Variants in ESRRG observed in about 807,000 individuals in gnomAD.
ESRRG encodes estrogen-related receptor gamma.
In ESRRG, 13 loss-of-function variants were observed where a neutral mutation model predicts 44.0. The ratio of observed to expected loss-of-function variants is 0.30; its 90% CI spans 0.19 to 0.47. The LOEUF is 0.47. Ranked by LOEUF, ESRRG falls within the 20% of genes least tolerant of loss-of-function variation. The pLI is 1.00. For missense variants in ESRRG, 395 were observed against 580.6 expected (o/e 0.68, Z 3.29); for synonymous variants, 215 against 214.6 (o/e 1.00, Z -0.02).
intron 2 of ESRRG, among the ~76,000 whole-genome samples, chr1:216,770,875 C>A (rs1347533802): frequency 6.6e-6 from 1 of 152,106 alleles, no homozygotes; most frequent in Non-Finnish European, 1.5e-5. Context: ...CATCCACCTG[C>A]CCACCCATTC....
In ESRRG at chr1:216,932,589, C is replaced by T. The variant is rs146938684; in HGVS notation, c.-14+6993G>A. Among the ~76,000 whole-genome samples the T allele has an allele frequency of 1.3e-3, 204 of 151,888 alleles. 1 individual carries two copies. Among genetic ancestry groups the T allele is most frequent in the Admixed American group, 4.3e-3 (66 of 15,252 alleles). On this transcript the variant is annotated intron_variant, in intron 2 of 7. Coordinates refer to the ESRRG transcript ENST00000359162. ...GAGACAGGGTCTCTCTTGCTCTGTC[C>T]CTGAGGCTGAGGTGCAGTGGTGTGA...
intron 1 of ESRRG, among the ~76,000 whole-genome samples, chr1:216,944,992 C>G (rs140113320): frequency 6.6e-6 from 1 of 152,086 alleles, no homozygotes; most frequent in Non-Finnish European, 1.5e-5. Flanking sequence ...AACAAACCGT[C>G]TCCAGTGGTT....
chr1:217,076,137 T>A (rs1430136932), intron 1 of ESRRG, among the ~76,000 whole-genome samples: 1 of 152,162 alleles, frequency 6.6e-6, no homozygotes, highest in Non-Finnish European at 1.5e-5. Flanking sequence ...CCAGTTCAGG[T>A]CTGTTTCACC....
At chr1:217,109,543 T>C (rs1395203903) in intron 1 of ESRRG, among the ~76,000 whole-genome samples, 1 of 152,128 alleles carries the variant, frequency 6.6e-6, no homozygotes, top group African/African-American at 2.4e-5. Flanking sequence ...GCCCAGGAGA[T>C]AGCAAACATT....
chr1:216,611,961 A>T (rs1206650818), intron 3 of ESRRG, among the ~76,000 whole-genome samples: 1 of 152,206 alleles, frequency 6.6e-6, no homozygotes, highest in Non-Finnish European at 1.5e-5. Context: ...TGGCTGAAAC[A>T]TCTGGTGCCT....
intron 2 of ESRRG, among the ~76,000 whole-genome samples, chr1:216,798,949 A>G (rs1354059774): frequency 1.3e-5 from 2 of 152,140 alleles, no homozygotes; most frequent in Non-Finnish European, 2.9e-5. Flanking sequence ...AATCATTGTC[A>G]CAGATTTAGA....
chr1:216,829,549 G>GTTTTTTTTT (rs66515526), intron 2 of ESRRG, among the ~76,000 whole-genome samples: 3 of 135,634 alleles, frequency 2.2e-5, no homozygotes, highest in Non-Finnish European at 1.6e-5. Flanking sequence ...AAATGCCACA[G>GTTTTTTTTT]TTTTTTTTTT....
At chr1:216,609,882 C>A (rs1170709893) in intron 3 of ESRRG, among the ~76,000 whole-genome samples, 1 of 152,164 alleles carries the variant, frequency 6.6e-6, no homozygotes, top group African/African-American at 2.4e-5. Flanking sequence ...TAGCTGTCAG[C>A]TTGTATTTTG....
At chr1:216,809,704 C>G (rs1029126614) in intron 2 of ESRRG, among the ~76,000 whole-genome samples, 1 of 152,066 alleles carries the variant, frequency 6.6e-6, no homozygotes, top group Non-Finnish European at 1.5e-5. Flanking sequence ...CTTCACCAGC[C>G]CATCTAACAG....
intron 3 of ESRRG, among the ~76,000 whole-genome samples, chr1:216,585,847 T>A (rs886195278): frequency 2.0e-5 from 3 of 152,134 alleles, no homozygotes; most frequent in African/African-American, 7.2e-5. Context: ...GAGACCATCC[T>A]GGCTAACATG....
intron 2 of ESRRG, among the ~76,000 whole-genome samples, chr1:216,821,370 G>A (rs564187236): frequency 3.9e-5 from 6 of 151,980 alleles, no homozygotes; most frequent in Non-Finnish European, 7.4e-5. Context: ...GTTTATTTGT[G>A]GGGATCTTAA....
At chr1:216,610,413 T>C (rs1329712542) in intron 3 of ESRRG, among the ~76,000 whole-genome samples, 1 of 152,178 alleles carries the variant, frequency 6.6e-6, no homozygotes, top group Non-Finnish European at 1.5e-5. Flanking sequence ...TTGAAGGCAT[T>C]TGAAGAATAT....
At chr1:216,794,544 G>A (rs1380485278) in intron 2 of ESRRG, among the ~76,000 whole-genome samples, 4 of 152,180 alleles carry the variant, frequency 2.6e-5, no homozygotes, top group Non-Finnish European at 5.9e-5. Context: ...GAGAAATAAA[G>A]ATGCATCCAT....
chr1:216,840,462 G>C (rs141746036), intron 2 of ESRRG, among the ~76,000 whole-genome samples: 1 of 152,264 alleles, frequency 6.6e-6, no homozygotes, highest in African/African-American at 2.4e-5. Flanking sequence ...TAATGAGGCT[G>C]TTTTGTTTTC....
At chr1:216,729,763 A>T (rs1022307598) in intron 2 of ESRRG, among the ~76,000 whole-genome samples, 30 of 152,172 alleles carry the variant, frequency 2.0e-4, no homozygotes, top group Non-Finnish European at 4.4e-5. Context: ...CACTTCTTCC[A>T]CATCCCTCTA....
At chr1:216,991,387 T>C (rs1445410879) in intron 1 of ESRRG, among the ~76,000 whole-genome samples, 1 of 152,174 alleles carries the variant, frequency 6.6e-6, no homozygotes, top group Non-Finnish European at 1.5e-5. Flanking sequence ...TTGCTGCTGC[T>C]GCTGCTGTTA....
rs558623226 is a variant in ESRRG at position 216,944,226 on chromosome 1, A to C, written c.-105-4553T>G. Among the ~76,000 whole-genome samples the C allele has an allele frequency of 7.9e-5, 12 of 152,294 alleles. No homozygotes were observed. In the South Asian group the frequency reaches 2.5e-3, roughly 32 times the overall value. On this transcript the variant is annotated intron_variant, in intron 1 of 7. Transcript: ENST00000359162. ...ATTCAATAATATTGGCTACTTTCTG[A>C]TGCAAACTCTGACGGAGGAAGCTTT...
chr1:216,854,879 A>G (rs562501299), intron 2 of ESRRG, among the ~76,000 whole-genome samples: 3 of 152,312 alleles, frequency 2.0e-5, no homozygotes, highest in African/African-American at 7.2e-5. Context: ...TTACATGTTA[A>G]GTTTCACTGA....
chr1:216,775,595 ACAG>A (rs2093581142), intron 2 of ESRRG, among the ~76,000 whole-genome samples: 2 of 88,054 alleles, frequency 2.3e-5, no homozygotes, highest in Admixed American at 1.4e-4. Context: ...TTTTTTTTAG[ACAG>A]CGTCTCACGC....
Sources: gnomAD v4.1 joint callset for allele counts (sites outside exome capture counted in the v4.1 genomes callset) on GRCh38, gnomAD v4.1.1 for gene constraint, MANE v1.5 for transcripts, NCBI Gene and HGNC (gene_info 2026-07-23, HGNC 2026-07-21) for gene names.